EVC: variants seen among roughly 807,000 people sequenced by gnomAD.
EVC encodes EvC ciliary complex subunit 1.
In EVC, 116 loss-of-function variants were observed where a neutral mutation model predicts 118.9. The observed-to-expected ratio is 0.98, with a 90% CI of 0.84 to 1.14. EVC has a LOEUF of 1.14. Among genes scored for constraint, EVC ranks in the 50% most tolerant of loss-of-function variants. EVC has a pLI of 0.00. For synonymous variants in EVC, 619 were observed against 534.7 expected (o/e 1.16, Z -2.18); for missense variants, 1,401 against 1,246.4 (o/e 1.12, Z -1.87).
In EVC at chr4:5,797,115, G is replaced by A. The variant is rs537471996; in HGVS notation, c.1980G>A (p.Thr660=). ...ALRGNALATL[T]QMRLSGKKHL... ...GCGGCAACGCCCTGGCCACCCTGAC[G>A]CAGATGCGGCTATCGGGGAAGAAGC... The change falls in exon 14 of 21, where the codon ACG becomes ACA. Residue 660 remains threonine, a synonymous_variant. Coordinates refer to ENST00000264956, the MANE Select transcript of EVC (RefSeq NM_153717.3). The A allele has an allele frequency of 2.0e-5, 32 of 1,613,594 alleles. No homozygotes were observed. Among genetic ancestry groups the A allele is most frequent in the African/African-American group, 1.6e-4 (12 of 75,074 alleles).
intron 11 of EVC, among the ~76,000 whole-genome samples, chr4:5,781,505 G>A (rs758914898): frequency 3.9e-5 from 6 of 152,140 alleles, no homozygotes; most frequent in Non-Finnish European, 5.9e-5. Context: ...CATTCTGGGT[G>A]TAAAAGTGAT....
chr4:5,784,491 A>C (rs772902078), intron 12 of EVC, among the ~76,000 whole-genome samples: 6 of 151,872 alleles, frequency 4.0e-5, no homozygotes, highest in Non-Finnish European at 8.8e-5. Flanking sequence ...ACCCATTAAG[A>C]CCCATTTCAG....
At chr4:5,768,857 A>G (rs1389871696) in intron 11 of EVC, among the ~76,000 whole-genome samples, 1 of 148,908 alleles carries the variant, frequency 6.7e-6, no homozygotes, top group Admixed American at 6.7e-5. Flanking sequence ...CTCTGTCTCA[A>G]AAAAAAAAAG....
chr4:5,806,608 G>A (rs909342313), intron 17 of EVC, among the ~76,000 whole-genome samples: 2 of 152,050 alleles, frequency 1.3e-5, no homozygotes, highest in Admixed American at 6.6e-5. Context: ...GGACACTTAG[G>A]TTGATTCCAT....
At chr4:5,786,887 A>AAAT (rs1711751745) in intron 12 of EVC, among the ~76,000 whole-genome samples, 1 of 152,022 alleles carries the variant, frequency 6.6e-6, no homozygotes, top group Non-Finnish European at 1.5e-5. Flanking sequence ...AAAAAAAAAA[A>AAAT]AAATTAACAC....
At chr4:5,772,023 G>A (rs575369668) in intron 11 of EVC, among the ~76,000 whole-genome samples, 32 of 151,948 alleles carry the variant, frequency 2.1e-4, no homozygotes, top group Non-Finnish European at 3.2e-4. Flanking sequence ...TCAGCCTCCC[G>A]GGTAGCTGGG....
chr4:5,828,984 A>G, the EVC span, among the ~76,000 whole-genome samples: 1 of 152,266 alleles, frequency 6.6e-6, no homozygotes, highest in East Asian at 1.9e-4. Context: ...ACATAAAAAT[A>G]AGTAAAATGT....
intron 2 of EVC, among the ~76,000 whole-genome samples, chr4:5,728,573 G>C (rs937149255): frequency 1.2e-4 from 18 of 152,164 alleles, no homozygotes; most frequent in African/African-American, 3.6e-4. Context: ...ATTTCCTAAA[G>C]TTTCTTCTCT....
intron 11 of EVC, among the ~76,000 whole-genome samples, chr4:5,773,331 T>G (rs1013936828): frequency 2.0e-5 from 3 of 152,104 alleles, no homozygotes; most frequent in African/African-American, 7.3e-5. Flanking sequence ...TTAGCTGATC[T>G]AGGCTGGGCT....
chr4:5,801,621 A>G, intron 15 of EVC: 1 of 300,938 alleles, frequency 3.3e-6, no homozygotes, highest in Non-Finnish European at 6.4e-6. Flanking sequence ...TGGAGGTTGC[A>G]GTGGGCCGAG....
chr4:5,761,242 C>A (rs1731961526), intron 11 of EVC, among the ~76,000 whole-genome samples: 1 of 152,174 alleles, frequency 6.6e-6, no homozygotes, highest in East Asian at 1.9e-4. Context: ...GTGAATGCCT[C>A]CCCGCCTGCT....
intron 5 of EVC, among the ~76,000 whole-genome samples, chr4:5,736,360 G>A (rs923971783): frequency 2.6e-5 from 4 of 152,186 alleles, no homozygotes; most frequent in Non-Finnish European, 4.4e-5. Flanking sequence ...TCTGTAGACA[G>A]CAGTATTCAA....
intron 11 of EVC, among the ~76,000 whole-genome samples, chr4:5,757,620 G>T (rs12331393): frequency 0.066 from 10,032 of 152,278 alleles, 480 homozygotes; most frequent in Non-Finnish European, 0.094. Flanking sequence ...CTCCTCACAC[G>T]GTTATTTCTC....
intron 1 of EVC, among the ~76,000 whole-genome samples, chr4:5,713,410 G>A (rs1723370404): frequency 2.0e-5 from 3 of 152,302 alleles, no homozygotes; most frequent in East Asian, 1.9e-4. Flanking sequence ...GGGCACTGTG[G>A]CTCATGCCTG....
At chr4:5,712,976 G>A (rs1010850565) in intron 1 of EVC, among the ~76,000 whole-genome samples, 25 of 152,250 alleles carry the variant, frequency 1.6e-4, no homozygotes, top group African/African-American at 5.5e-4. Flanking sequence ...TGTTTGTCCA[G>A]GGTGCCACGA....
At position 5,711,273 on chromosome 4, in the gene EVC, C is replaced by A; in HGVS notation, c.-108C>A. ...TGCACAGGCCAGAAAGTCTGCGGAG[C>A]GGGCCGCGCCCCTGGCCCGCCCGGG... On this transcript the variant is annotated 5_prime_UTR_variant, in exon 1 of 21. Coordinates refer to ENST00000264956, the MANE Select transcript of EVC (RefSeq NM_153717.3). 1 of 713,138 alleles carries A rather than the reference C, an allele frequency of 1.4e-6. No individual in the cohort carries two copies. The highest frequency in any genetic ancestry group is 1.7e-6 in the Non-Finnish European group (1 of 580,612). The allele number at this position is 713,138 out of a possible 1,614,324, so 44.2% of individuals were successfully genotyped here.
At position 5,731,357 on chromosome 4, in the gene EVC, A is replaced by G. The variant is rs1391489646; in HGVS notation, c.385-68A>G. On this transcript the variant is annotated intron_variant, in intron 3 of 20. Coordinates refer to ENST00000264956, the MANE Select transcript of EVC (RefSeq NM_153717.3). This position sits in a 1 kb window ranked among gnomAD's most constrained non-coding sequence, Gnocchi z 5.6. ...GCGGCTAGCGTGAATCACTGGTAGA[A>G]TTATGAATACTAGATCAAATCCCAG... 1 of 1,306,520 alleles carries G rather than the reference A, an allele frequency of 7.7e-7. No individual in the cohort carries two copies. The highest frequency in any genetic ancestry group is 1.1e-6 in the Non-Finnish European group (1 of 900,450). 80.9% of individuals were successfully genotyped at this position (1,306,520 alleles called of 1,614,324 possible). A position where few individuals can be genotyped will look rare whatever the true frequency, so the allele number is the denominator to read the frequency against.
chr4:5,770,973 T>C (rs1277895059), intron 11 of EVC, among the ~76,000 whole-genome samples: 4 of 151,508 alleles, frequency 2.6e-5, no homozygotes, highest in Admixed American at 2.0e-4. Flanking sequence ...GATCGCACCA[T>C]TGCACTCCAG....
At chr4:5,767,422 C>T (rs1733089218) in intron 11 of EVC, among the ~76,000 whole-genome samples, 1 of 149,682 alleles carries the variant, frequency 6.7e-6, no homozygotes, top group Admixed American at 6.7e-5. Context: ...CTGTGGTGGG[C>T]TCCACCCAGT....
Sources: gnomAD v4.1 joint callset for allele counts (sites outside exome capture counted in the v4.1 genomes callset) on GRCh38, gnomAD v4.1.1 for gene constraint, Gnocchi (gnomAD v3.1) non-coding constraint, MANE v1.5 for transcripts, NCBI Gene and HGNC (gene_info 2026-07-23, HGNC 2026-07-21) for gene names.